MACROD2: variants seen among roughly 807,000 people sequenced by gnomAD.
The protein encoded by MACROD2 is mono-ADP ribosylhydrolase 2.
In MACROD2, 36 loss-of-function variants were observed where a neutral mutation model predicts 70.4. The observed-to-expected ratio is 0.51, with a 90% CI of 0.39 to 0.68. The LOEUF is 0.68. Among genes scored for constraint, MACROD2 ranks in the 30% least tolerant of loss-of-function variants. MACROD2 has a pLI of 0.00. For missense variants in MACROD2, 496 were observed against 538.4 expected (o/e 0.92, Z 0.78); for synonymous variants, 172 against 178.8 (o/e 0.96, Z 0.30).
At chr20:14,015,509 T>G (rs1170326989) in intron 2 of MACROD2, among the ~76,000 whole-genome samples, 2 of 152,212 alleles carry the variant, frequency 1.3e-5, no homozygotes, top group Non-Finnish European at 2.9e-5. Flanking sequence ...CCCAGGAGTT[T>G]GAGGCTGCGA....
chr20:14,967,123 T>C (rs564180149), intron 5 of MACROD2, among the ~76,000 whole-genome samples: 1 of 152,248 alleles, frequency 6.6e-6, no homozygotes, highest in Non-Finnish European at 1.5e-5. Flanking sequence ...ATTTGAATCT[T>C]TTTTTGTAAA....
intron 5 of MACROD2, among the ~76,000 whole-genome samples, chr20:14,786,805 T>C (rs191546161): frequency 6.6e-6 from 1 of 152,166 alleles, no homozygotes; most frequent in East Asian, 1.9e-4. Flanking sequence ...AGTAAGAATA[T>C]AAAGTTGGAT....
chr20:15,860,008 G>A (rs2064403682), intron 8 of MACROD2, among the ~76,000 whole-genome samples: 1 of 152,106 alleles, frequency 6.6e-6, no homozygotes, highest in Non-Finnish European at 1.5e-5. Context: ...GGTGGCATGT[G>A]CCTGTAGTCC....
Position 15,206,697 on chromosome 20 carries a change from C to T in MACROD2, c.419-23243C>T, listed in dbSNP as rs2076706097. Among the ~76,000 whole-genome samples, 3 of 143,058 alleles carry T rather than the reference C, an allele frequency of 2.1e-5. No homozygotes were observed. In the Admixed American group the frequency reaches 2.1e-4, roughly 10 times the overall value. 93.9% of individuals were successfully genotyped at this position (143,058 alleles called of 152,430 possible). A position where few individuals can be genotyped will look rare whatever the true frequency, so the allele number is the denominator to read the frequency against. ...TACTCTTTGTGTCTATTTTGTTCAGCATGAAGTCTTTCATATTATCTATGT... is the reference window on the plus strand; with the variant it reads ...TACTCTTTGTGTCTATTTTGTTCAGTATGAAGTCTTTCATATTATCTATGT... On this transcript the variant is annotated intron_variant, in intron 5 of 17. Coordinates refer to ENST00000684519, the MANE Select transcript of MACROD2 (RefSeq NM_001351661.2).
chr20:14,033,464 T>G (rs1192239686), intron 2 of MACROD2, among the ~76,000 whole-genome samples: 1 of 152,060 alleles, frequency 6.6e-6, no homozygotes, highest in Non-Finnish European at 1.5e-5. Flanking sequence ...CATAGAATAT[T>G]CATAGCATTC....
intron 5 of MACROD2, among the ~76,000 whole-genome samples, chr20:15,029,892 C>T (rs561859826): frequency 1.3e-5 from 2 of 152,068 alleles, no homozygotes; most frequent in South Asian, 4.2e-4. Flanking sequence ...GATATCCAGA[C>T]CATCCTGGCC....
At chr20:14,562,360 T>C (rs1979490320) in intron 4 of MACROD2, among the ~76,000 whole-genome samples, 1 of 144,820 alleles carries the variant, frequency 6.9e-6, no homozygotes, top group Non-Finnish European at 1.6e-5. Context: ...TATATAAACA[T>C]GTAGCTTGCT....
chr20:15,487,888 A>T (rs1481600838), intron 7 of MACROD2, among the ~76,000 whole-genome samples: 1 of 152,184 alleles, frequency 6.6e-6, no homozygotes, highest in East Asian at 1.9e-4. Context: ...ACACTAAGAT[A>T]ATAAGGGTGA....
At chr20:14,829,002 A>G in intron 5 of MACROD2, among the ~76,000 whole-genome samples, 1 of 146,288 alleles carries the variant, frequency 6.8e-6, no homozygotes. Flanking sequence ...AACGTGTGCC[A>G]TGGTAGTTTG....
chr20:15,433,321 AG>A (rs1259312831), intron 7 of MACROD2, among the ~76,000 whole-genome samples: 1 of 151,940 alleles, frequency 6.6e-6, no homozygotes, highest in Non-Finnish European at 1.5e-5. Flanking sequence ...TCACACAAAA[AG>A]CTCCTCAATC....
chr20:14,320,557 CCA>C (rs2082649640), intron 3 of MACROD2, among the ~76,000 whole-genome samples: 1 of 152,100 alleles, frequency 6.6e-6, no homozygotes, highest in Non-Finnish European at 1.5e-5. Context: ...ATATACCTTT[CCA>C]GTCTTACCTC....
chr20:14,790,174 C>A (rs1358864752), intron 5 of MACROD2, among the ~76,000 whole-genome samples: 1 of 151,914 alleles, frequency 6.6e-6, no homozygotes, highest in South Asian at 2.1e-4. Flanking sequence ...ATAAAAACTG[C>A]ATGTAAAATT....
At chr20:14,139,145 A>G (rs1374111796) in intron 3 of MACROD2, among the ~76,000 whole-genome samples, 2 of 152,340 alleles carry the variant, frequency 1.3e-5, no homozygotes, top group East Asian at 3.9e-4. Context: ...GCAAAATAAT[A>G]TAAATATTAT....
intron 8 of MACROD2, among the ~76,000 whole-genome samples, chr20:15,613,805 A>C (rs944982666): frequency 1.3e-5 from 2 of 152,202 alleles, no homozygotes; most frequent in Non-Finnish European, 2.9e-5. Context: ...AAAAGAATGT[A>C]GGAGGGTGGA....
At chr20:14,990,703 G>A (rs970056845) in intron 5 of MACROD2, among the ~76,000 whole-genome samples, 47 of 151,700 alleles carry the variant, frequency 3.1e-4, no homozygotes, top group African/African-American at 1.0e-3. Context: ...TAGTAGAGGC[G>A]GGGTTTCACC....
chr20:15,976,396 A>G lies in MACROD2; in HGVS notation c.985+8766A>G, dbSNP rs147550622. 1.1e-3 allele frequency among the ~76,000 whole-genome samples: 171 copies of G among 152,298 alleles called. 1 individual carries two copies. The highest frequency in any genetic ancestry group is 3.9e-3 in the African/African-American group (164 of 41,570). Reference sequence around the variant, plus strand: ...CACTGTATGAAAAATATATACATAAACTGTGGAATTCTTTGTGTTCTTTTG... The same window carrying G: ...CACTGTATGAAAAATATATACATAAGCTGTGGAATTCTTTGTGTTCTTTTG... On this transcript the variant is annotated intron_variant, in intron 13 of 17. Transcript: ENST00000684519.
At chr20:14,715,509 C>A (rs370082671) in intron 5 of MACROD2, among the ~76,000 whole-genome samples, 3 of 152,270 alleles carry the variant, frequency 2.0e-5, no homozygotes, top group East Asian at 3.9e-4. Flanking sequence ...ATCCTTCATA[C>A]CTTGGAGAGT....
intron 2 of MACROD2, among the ~76,000 whole-genome samples, chr20:14,079,193 T>C (rs1270487653): frequency 6.6e-6 from 1 of 152,236 alleles, no homozygotes; most frequent in Admixed American, 6.5e-5. Flanking sequence ...TGCTTCATTT[T>C]CAACAAAACT....
At chr20:14,050,034 C>T (rs984866946) in intron 2 of MACROD2, among the ~76,000 whole-genome samples, 2 of 149,020 alleles carry the variant, frequency 1.3e-5, no homozygotes, top group Admixed American at 6.8e-5. Flanking sequence ...TGCAGTGAGC[C>T]GAGATCGCAC....
Sources: gnomAD v4.1 joint callset for allele counts (sites outside exome capture counted in the v4.1 genomes callset) on GRCh38, gnomAD v4.1.1 for gene constraint, MANE v1.5 for transcripts, NCBI Gene and HGNC (gene_info 2026-07-23, HGNC 2026-07-21) for gene names.